MDN1: variants seen among roughly 807,000 people sequenced by gnomAD.
MDN1 encodes the protein midasin.
Under a neutral mutation model 669.2 loss-of-function variants are expected in MDN1, and 266 were observed. The ratio of observed to expected loss-of-function variants is 0.40; its 90% CI spans 0.36 to 0.44. The LOEUF is 0.44. Ranked by LOEUF, MDN1 falls within the 20% of genes least tolerant of loss-of-function variation. The pLI is 1.00. For synonymous variants in MDN1, 2,385 were observed against 2,457.1 expected (o/e 0.97, Z 0.87); for missense variants, 5,940 against 6,754.0 (o/e 0.88, Z 4.22).
At position 89,692,936 on chromosome 6, in the gene MDN1, G is replaced by A. The variant is rs1333225146; in HGVS notation, c.10094C>T (p.Ala3365Val). 1 of 1,614,198 alleles carries A rather than the reference G, an allele frequency of 6.2e-7. No homozygotes were observed. Residue 3365 changes from alanine to valine, a missense_variant, in exon 63 of 102, where the codon GCC becomes GTC. Physicochemically the swap from Ala to Val is moderately conservative, Grantham distance 64. Around this residue, in one of 5 missense-constraint regions of MDN1, gnomAD observed 150 missense variants for 234.2 expected, o/e 0.64. Transcript: ENST00000369393. The stretch of plus-strand genomic sequence containing the variant: ...GGCCTCCTCCTTTAGAAGGCTCTGG[G>A]CTACTTGGGCAGACCGTGGCCCATC... ...HIDGPRSAQV[A>V]QSLLKEEASW...
rs760374593 is a variant in MDN1 at position 89,712,759 on chromosome 6, C to G, written c.7246G>C (p.Val2416Leu). The change falls in exon 48 of 102, where the codon GTT becomes CTT. Residue 2416 changes from valine (V) to leucine (L), a missense_variant. Physicochemically the swap from Val to Leu is conservative, Grantham distance 32 (BLOSUM62 1). This residue lies in a region of MDN1 where 2,292 missense variants were observed against 2,638.3 expected (regional missense o/e 0.87). Coordinates refer to ENST00000369393, the MANE Select transcript of MDN1 (RefSeq NM_014611.3). ...GTTTCATGTGCTCGCAAAGAAGAAACATGTTTCTCCAGTAAAGCCTGTACA... is the reference window on the plus strand; with the variant it reads ...GTTTCATGTGCTCGCAAAGAAGAAAGATGTTTCTCCAGTAAAGCCTGTACA... ...KLVQALLEKHVSSLRAHETWG... is the reference protein window; with the variant it reads ...KLVQALLEKHLSSLRAHETWG... 3 of 1,614,122 alleles carry G rather than the reference C, an allele frequency of 1.9e-6. 1 individual carries two copies. The South Asian group carries it at 3.3e-5, about 18-fold the overall frequency.
chr6:89,686,928 A>C lies in MDN1; in HGVS notation c.11546T>G (p.Met3849Arg). The C allele has an allele frequency of 6.2e-7, 1 of 1,613,336 alleles. No homozygotes were observed. The highest frequency in any genetic ancestry group is 8.5e-7 in the Non-Finnish European group (1 of 1,179,934). Reference protein sequence around the residue: ...FSIYQMLEKHMQEQTEEQEDD... With the variant: ...FSIYQMLEKHRQEQTEEQEDD... Reference sequence around the variant, plus strand: ...TTCCTGTTCTTCTGTTTGTTCCTGCATGTGCTTCTCAAGCATCTGATAGAT... The same window carrying C: ...TTCCTGTTCTTCTGTTTGTTCCTGCCTGTGCTTCTCAAGCATCTGATAGAT... Residue 3849 changes from methionine (M) to arginine (R), a missense_variant, in exon 69 of 102, where the codon ATG becomes AGG. Coordinates refer to ENST00000369393, the MANE Select transcript of MDN1 (RefSeq NM_014611.3).
chr6:89,656,863 G>T, intron 90 of MDN1, 62 bp from the exon 91 acceptor site: 1 of 1,364,356 alleles, frequency 7.3e-7, no homozygotes, highest in Non-Finnish European at 1.0e-6. Context: ...CCTGGTTACT[G>T]TGCTGCATTG....
chr6:89,691,048 C>T (rs895130704), intron 63 of MDN1, among the ~76,000 whole-genome samples: 2 of 152,170 alleles, frequency 1.3e-5, no homozygotes, highest in Admixed American at 1.3e-4. Context: ...TAAATCCCCC[C>T]TGCTGTGTCA....
intron 15 of MDN1, among the ~76,000 whole-genome samples, chr6:89,770,107 C>CA (rs1259438644): frequency 6.6e-6 from 1 of 151,026 alleles, no homozygotes; most frequent in African/African-American, 2.4e-5. Context: ...CCCAAAAAAA[C>CA]AAAAAAAGAA....
intron 2 of MDN1, among the ~76,000 whole-genome samples, chr6:89,800,217 C>A (rs1220309241): frequency 3.3e-5 from 5 of 152,078 alleles, no homozygotes; most frequent in Non-Finnish European, 7.4e-5. Flanking sequence ...CACCTGAGAT[C>A]GGGAGTTCGA....
intron 97 of MDN1, 149 bp downstream of exon 97, chr6:89,649,875 C>G: frequency 1.2e-6 from 1 of 838,280 alleles, no homozygotes; most frequent in Non-Finnish European, 1.8e-6. Flanking sequence ...ATCACATTCT[C>G]AAAACAGGCC....
At chr6:89,735,041 C>T (rs974807963) in intron 33 of MDN1, among the ~76,000 whole-genome samples, 8 of 151,950 alleles carry the variant, frequency 5.3e-5, no homozygotes, top group Non-Finnish European at 1.0e-4. Context: ...CAGGCGCCTG[C>T]CACAACGCCC....
chr6:89,686,805 T>TAGCGGGAGA, intron 69 of MDN1, 97 bp downstream of exon 69: 1 of 1,486,166 alleles, frequency 6.7e-7, no homozygotes, highest in Non-Finnish European at 9.1e-7. Flanking sequence ...GAAAGCCATG[T>TAGCGGGAGA]AGCGGGAGAA....
In MDN1 at chr6:89,712,608, T is replaced by C; in HGVS notation, c.7397A>G (p.Asn2466Ser). 1 of 1,614,200 alleles carries C rather than the reference T, an allele frequency of 6.2e-7. No homozygotes were observed. The highest frequency in any genetic ancestry group is 1.1e-5 in the South Asian group (1 of 91,088). ...GCTGCTGGTTTTCATGCTCATCCTGTTGAGACAATATACTAAGATCTGTCC... is the reference window on the plus strand; with the variant it reads ...GCTGCTGGTTTTCATGCTCATCCTGCTGAGACAATATACTAAGATCTGTCC... ...RDGQILVYCL[N>S]RMSMKTSSWT... Residue 2466 changes from asparagine (N) to serine (S), a missense_variant, in exon 48 of 102, where the codon AAC becomes AGC. Around this residue, in one of 5 missense-constraint regions of MDN1, gnomAD observed 2,292 missense variants for 2,638.3 expected, o/e 0.87. Transcript: ENST00000369393.
In MDN1 at chr6:89,674,363, G is replaced by C. The variant is rs114236310; in HGVS notation, c.12988C>G (p.Pro4330Ala). The change falls in exon 79 of 102, where the codon CCT becomes GCT. Residue 4330 changes from proline (P) to alanine (A), a missense_variant. Around this residue, in one of 5 missense-constraint regions of MDN1, gnomAD observed 2,280 missense variants for 2,576.3 expected, o/e 0.88. Transcript: ENST00000369393. The stretch of plus-strand genomic sequence containing the variant: ...TCTGGTCCTTCCAGGCAGGGGCCAG[G>C]AGGCTGCCCCAGTACCTGGACATTG... ...HGNVQVLGQP[P>A]GPCLEGPELS... The C allele has an allele frequency of 6.2e-7, 1 of 1,614,216 alleles. No homozygotes were observed.
chr6:89,715,763 T>C lies in MDN1; in HGVS notation c.6750A>G (p.Ser2250=). ...LMDNVNFCNP[S]VLDRLNALLE... is the part of the protein sequence containing the mutation. ...GCAAAGCATTCAAACGATCCAACACTGATGGGCTGCAGAGACAGAATTCAG... is the reference window on the plus strand; with the variant it reads ...GCAAAGCATTCAAACGATCCAACACCGATGGGCTGCAGAGACAGAATTCAG... The change falls in exon 45 of 102, where the codon TCA becomes TCG. Residue 2250 remains serine, a synonymous_variant. Transcript: ENST00000369393. The C allele has an allele frequency of 4.4e-6, 7 of 1,605,102 alleles. No homozygotes were observed. The highest frequency in any genetic ancestry group is 6.0e-6 in the Non-Finnish European group (7 of 1,171,872).
rs144415187 is a variant in MDN1 at position 89,730,810 on chromosome 6, A to G, written c.5056T>C (p.Leu1686=). ...VRLTEYQKNE[L]KIYDRMKAKE... ...GCCTTCATTCTGTCATAAATCTTCA[A>G]CTCATTTTTCTGATATTCTGTAAGT... Residue 1686 remains leucine, a synonymous_variant, in exon 35 of 102, where the codon TTG becomes CTG. Coordinates refer to ENST00000369393, the MANE Select transcript of MDN1 (RefSeq NM_014611.3). The G allele has an allele frequency of 4.3e-6, 7 of 1,613,900 alleles. No homozygotes were observed. In the African/African-American group the frequency reaches 9.3e-5, roughly 22 times the overall value.
chr6:89,760,271 A>G (rs181888144), intron 17 of MDN1, among the ~76,000 whole-genome samples: 1 of 152,284 alleles, frequency 6.6e-6, no homozygotes. Context: ...TCCTTCCTAC[A>G]GGGTCACAGG....
chr6:89,669,836 T>TC (rs1418839170), intron 83 of MDN1, among the ~76,000 whole-genome samples: 2 of 151,760 alleles, frequency 1.3e-5, no homozygotes, highest in East Asian at 3.9e-4. Context: ...AAGGGGAGGG[T>TC]CTACAATCTC....
Position 89,695,719 on chromosome 6 carries a change from C to A in MDN1, c.9657G>T (p.Gln3219His). 6.2e-7 allele frequency: 1 copy of A among 1,613,768 alleles called. No individual in the cohort carries two copies. The highest frequency in any genetic ancestry group is 1.1e-5 in the South Asian group (1 of 91,088). ...ESKRSLPEPA[Q>H]RGSLWVSLGL... Reference sequence around the variant, plus strand: ...CGAGGCTCACCCAGAGGCTCCCACGCTGGGCTGGCTCAGGCAGGCTCCTCT... The same window carrying A: ...CGAGGCTCACCCAGAGGCTCCCACGATGGGCTGGCTCAGGCAGGCTCCTCT... The change falls in exon 61 of 102, where the codon CAG (glutamine) becomes CAT (histidine). Residue 3219 changes from glutamine (Q) to histidine (H), a missense_variant. By Grantham distance (24) the Gln-to-His change is conservative (BLOSUM62 0). Around this residue, in one of 5 missense-constraint regions of MDN1, gnomAD observed 2,292 missense variants for 2,638.3 expected, o/e 0.87. Coordinates refer to ENST00000369393, the MANE Select transcript of MDN1 (RefSeq NM_014611.3). This position sits in a 1 kb window ranked among gnomAD's most constrained non-coding sequence, Gnocchi z 4.1.
chr6:89,772,545 G>A (rs775801321), intron 14 of MDN1, 28 bp downstream of exon 14: 1 of 1,601,176 alleles, frequency 6.2e-7, no homozygotes, highest in Non-Finnish European at 8.5e-7. Context: ...AAATATCTGG[G>A]GGCAGATTTA....
At chr6:89,725,934 C>CAT (rs1815201391) in intron 37 of MDN1, among the ~76,000 whole-genome samples, 2 of 11,864 alleles carry the variant, frequency 1.7e-4, no homozygotes, top group Non-Finnish European at 2.5e-4. Context: ...ATTTTATACA[C>CAT]ACACACACAC....
Position 89,819,735 on chromosome 6 carries a change from A to C in MDN1, c.-128T>G. The stretch of plus-strand genomic sequence containing the variant: ...CCGCAGGAAAGGCGTCCTCAGCTCC[A>C]GCGCCTACACCGGGAGAGGGGCACC... On this transcript the variant is annotated 5_prime_UTR_variant, in exon 1 of 102. Transcript: ENST00000369393. 1.4e-6 allele frequency: 1 copy of C among 719,452 alleles called. No individual in the cohort carries two copies. Among genetic ancestry groups the C allele is most frequent in the South Asian group, 1.6e-5 (1 of 62,310 alleles). 44.6% of individuals were successfully genotyped at this position (719,452 alleles called of 1,614,324 possible).
Sources: allele counts gnomAD v4.1 joint callset (sites outside exome capture counted in the v4.1 genomes callset), GRCh38; gene constraint gnomAD v4.1.1; regional missense constraint gnomAD v4.1.1; non-coding constraint Gnocchi (gnomAD v3.1); transcripts MANE v1.5; gene names NCBI Gene and HGNC (gene_info 2026-07-23, HGNC 2026-07-21).